The following EPG5 variants were observed in gnomAD, a reference collection of about 807,000 sequenced individuals.
EPG5 encodes the protein ectopic P granules protein 5 homolog.
EPG5 carries 159 observed loss-of-function variants against 302.7 expected under a neutral mutation model. The ratio of observed to expected loss-of-function variants is 0.53; its 90% confidence interval spans 0.46 to 0.60. The LOEUF (loss-of-function observed/expected upper bound fraction) is 0.60, where lower values mean the gene tolerates loss of function less well. Among genes scored for constraint, EPG5 ranks in the 20% least tolerant of loss-of-function variants. The pLI is 0.00. For missense variants in EPG5, 2,896 were observed against 3,092.4 expected, an observed-to-expected ratio of 0.94 and a Z score of 1.51; for synonymous variants, 1,158 against 1,136.8, an observed-to-expected ratio of 1.02 and a Z score of -0.37.
In EPG5 at chr18:45,857,912, T is replaced by C; in HGVS notation, c.7383A>G (p.Arg2461=). 6.2e-7 allele frequency: 1 copy of C among 1,612,528 alleles called. No homozygotes were observed. The highest frequency in any genetic ancestry group is 8.5e-7 in the Non-Finnish European group (1 of 1,179,932). Residue 2461 remains arginine, a synonymous_variant, in exon 42 of 44, where the codon AGA becomes AGG. Coordinates refer to ENST00000282041, the MANE Select transcript of EPG5 (RefSeq NM_020964.3). ...QSRQNLVAEE[R]LSSGILGAIG... is the part of the protein sequence containing the mutation. ...TTGCCCCCAGGATCCCAGAGCTGAGTCTCTCCTCAGCCACGAGGTTCTGCC... is the reference window on the plus strand; with the variant it reads ...TTGCCCCCAGGATCCCAGAGCTGAGCCTCTCCTCAGCCACGAGGTTCTGCC...
In EPG5 at chr18:45,951,135, A is replaced by C. The variant is rs769919323; in HGVS notation, c.1356T>G (p.Phe452Leu). Reference sequence around the variant, plus strand: ...GCAGCCAGAGAAGAATATCATCATGAAACTGAGTATCTTCATTAACTCTCC... The same window carrying C: ...GCAGCCAGAGAAGAATATCATCATGCAACTGAGTATCTTCATTAACTCTCC... ...FTRRVNEDTQ[F>L]HDDILLWLQK... The change falls in exon 4 of 44, where the codon TTT becomes TTG. Residue 452 changes from phenylalanine (F) to leucine (L), a missense_variant. This residue lies in a region of EPG5 where 1,390 missense variants were observed against 1,430.0 expected (regional missense o/e 0.97). Coordinates refer to ENST00000282041, the MANE Select transcript of EPG5 (RefSeq NM_020964.3). 6.3e-7 allele frequency: 1 copy of C among 1,592,564 alleles called. No individual in the cohort carries two copies. Among genetic ancestry groups the C allele is most frequent in the Admixed American group, 1.8e-5 (1 of 56,552 alleles).
At chr18:45,908,203 A>C in intron 23 of EPG5, 122 bp from the exon 24 acceptor site, 7 of 739,730 alleles carry the variant, frequency 9.5e-6, no homozygotes, top group East Asian at 6.6e-5. Context: ...AATACAGAAA[A>C]TGTGGCCAAC....
At chr18:45,853,610 T>C (rs1216726210) in intron 43 of EPG5, among the ~76,000 whole-genome samples, 1 of 152,054 alleles carries the variant, frequency 6.6e-6, no homozygotes, top group Non-Finnish European at 1.5e-5. Flanking sequence ...CACTAGAAAA[T>C]ATGTATTAAA....
chr18:45,825,790 T>C, the EPG5 span: 2 of 1,614,158 alleles, frequency 1.2e-6, no homozygotes, highest in Non-Finnish European at 1.7e-6. Context: ...GGTGAGTGTC[T>C]GCTACTCTCT....
At chr18:45,931,628 A>C (rs2050398230) in intron 11 of EPG5, among the ~76,000 whole-genome samples, 1 of 152,138 alleles carries the variant, frequency 6.6e-6, no homozygotes, top group Admixed American at 6.5e-5. Context: ...TGAAGTCAGG[A>C]GTTTGAGGCC....
the EPG5 span, among the ~76,000 whole-genome samples, chr18:45,841,760 A>G: frequency 2.8e-4 from 42 of 152,156 alleles, no homozygotes; most frequent in African/African-American, 9.7e-4. Context: ...GTGGACATTG[A>G]GATTTGAGAT....
chr18:45,919,638 G>A (rs1050126492), intron 16 of EPG5, among the ~76,000 whole-genome samples: 9 of 150,816 alleles, frequency 6.0e-5, no homozygotes, highest in South Asian at 4.3e-4. Context: ...TCAGCCTCCC[G>A]AGTAGCTGGG....
At chr18:45,901,803 G>C (rs893626697) in intron 25 of EPG5, among the ~76,000 whole-genome samples, 7 of 148,566 alleles carry the variant, frequency 4.7e-5, no homozygotes, top group African/African-American at 1.8e-4. Flanking sequence ...ACACAAAGGT[G>C]AATCTCTACC....
chr18:45,934,691 CAT>C, intron 11 of EPG5, 116 bp downstream of exon 11: 3 of 1,131,878 alleles, frequency 2.7e-6, no homozygotes, highest in Non-Finnish European at 3.7e-6. Flanking sequence ...AATCATTACA[CAT>C]GAGTATGTAG....
the EPG5 span, among the ~76,000 whole-genome samples, chr18:45,809,174 T>C: frequency 1.3e-5 from 2 of 152,110 alleles, no homozygotes; most frequent in Non-Finnish European, 2.9e-5. Context: ...CAGGAAAATA[T>C]CACAATCCTA....
the EPG5 span, among the ~76,000 whole-genome samples, chr18:45,815,184 A>C: frequency 3.9e-5 from 6 of 152,336 alleles, no homozygotes; most frequent in African/African-American, 1.4e-4. Flanking sequence ...GACAACATGC[A>C]TATTTACGGG....
intron 10 of EPG5, among the ~76,000 whole-genome samples, chr18:45,936,731 A>AT (rs1335139641): frequency 6.6e-6 from 1 of 151,280 alleles, no homozygotes; most frequent in Non-Finnish European, 1.5e-5. Flanking sequence ...AAAAAAAAAA[A>AT]AAAAAAAAGG....
chr18:45,891,209 T>C (rs2049337489), intron 27 of EPG5, among the ~76,000 whole-genome samples: 1 of 152,104 alleles, frequency 6.6e-6, no homozygotes, highest in Admixed American at 6.6e-5. Flanking sequence ...TAAAAGTTCC[T>C]GAAGGGCGGC....
chr18:45,863,020 T>A (rs1257539990), intron 39 of EPG5, among the ~76,000 whole-genome samples: 1 of 152,228 alleles, frequency 6.6e-6, no homozygotes. Context: ...TTTTTCTTTG[T>A]CATGCAACTT....
chr18:45,900,010 T>C (rs2049570758), intron 26 of EPG5, among the ~76,000 whole-genome samples: 1 of 152,316 alleles, frequency 6.6e-6, no homozygotes, highest in Non-Finnish European at 1.5e-5. Flanking sequence ...TCTAACGGTA[T>C]GTATCATTAC....
chr18:45,935,879 G>A (rs2050512246), intron 10 of EPG5, among the ~76,000 whole-genome samples: 2 of 152,150 alleles, frequency 1.3e-5, no homozygotes, highest in Admixed American at 6.5e-5. Context: ...CAGCAAGCCT[G>A]GAGAGACCCC....
intron 12 of EPG5, 122 bp downstream of exon 12, chr18:45,930,554 T>C (rs2050376199): frequency 4.3e-6 from 3 of 695,298 alleles, no homozygotes; most frequent in Admixed American, 3.7e-5. Flanking sequence ...CTATCCCTTC[T>C]CTGAAGTGTA....
the EPG5 span, among the ~76,000 whole-genome samples, chr18:45,810,217 T>C: frequency 6.6e-6 from 1 of 152,158 alleles, no homozygotes; most frequent in Admixed American, 6.5e-5. Context: ...ATTGAGATGG[T>C]AATTTAAAAA....
chr18:45,868,339 C>CT (rs370701330), intron 36 of EPG5, among the ~76,000 whole-genome samples: 3,313 of 138,048 alleles, frequency 0.024, 113 homozygotes, highest in African/African-American at 0.072. Context: ...TTCCTTTTTC[C>CT]TTTTTTTTTT....
Sources: gnomAD v4.1 joint callset for allele counts (sites outside exome capture counted in the v4.1 genomes callset) on GRCh38, gnomAD v4.1.1 for gene constraint, gnomAD v4.1.1 regional missense constraint, MANE v1.5 for transcripts, NCBI Gene and HGNC (gene_info 2026-07-23, HGNC 2026-07-21) for gene names.